Variants in CLNK observed in about 807,000 individuals in gnomAD.
CLNK encodes cytokine dependent hematopoietic cell linker, also known as cytokine-dependent hematopoietic cell linker.
A neutral mutation model predicts 68.6 loss-of-function variants in CLNK; 74 were observed. That is an observed-to-expected ratio of 1.08 (90% confidence interval 0.89 to 1.31). CLNK has a LOEUF of 1.31. Ranked by LOEUF, CLNK falls within the 50% of genes most tolerant of loss-of-function variation. The probability of loss-of-function intolerance (pLI) is 0.00; values close to 1 mark genes in which losing one functional copy is unlikely to be tolerated. For synonymous variants in CLNK, 198 were observed against 172.2 expected (o/e 1.15, Z -1.17); for missense variants, 553 against 515.3 (o/e 1.07, Z -0.71).
At position 10,490,251 on chromosome 4, in the gene CLNK, C is replaced by A. The variant is rs1002982664; in HGVS notation, c.*216G>T. On this transcript the variant is annotated 3_prime_UTR_variant, in exon 19 of 19. Transcript: ENST00000226951. ...TTATTTATTTTCCAGTGGCCAGTTA[C>A]TAGAATGTTTTTATTTTTTGCATGT... is the stretch of plus-strand genomic sequence containing the variant. 1.5e-4 allele frequency: 64 copies of A among 424,004 alleles called. No individual in the cohort carries two copies. The highest frequency in any genetic ancestry group is 1.2e-3 in the African/African-American group (60 of 48,698). 26.3% of individuals were successfully genotyped at this position (424,004 alleles called of 1,614,324 possible).
intron 2 of CLNK, among the ~76,000 whole-genome samples, chr4:10,609,022 G>A (rs1721901334): frequency 6.6e-6 from 1 of 152,186 alleles, no homozygotes; most frequent in African/African-American, 2.4e-5. Context: ...ACCATCATTG[G>A]TAGTTGGAAT....
chr4:10,686,007 C>T (rs1174660390), upstream of CLNK, among the ~76,000 whole-genome samples: 1 of 152,094 alleles, frequency 6.6e-6, no homozygotes. Context: ...AAGGACTGAG[C>T]CCTGAGTGGC....
intron 3 of CLNK, among the ~76,000 whole-genome samples, chr4:10,586,318 G>A (rs1349249692): frequency 6.8e-6 from 1 of 147,416 alleles, no homozygotes; most frequent in Non-Finnish European, 1.5e-5. Flanking sequence ...CCTCATCTCT[G>A]AATCTTTCTT....
chr4:10,540,366 A>C, intron 11 of CLNK, 128 bp downstream of exon 11: 1 of 653,992 alleles, frequency 1.5e-6, no homozygotes, highest in South Asian at 1.9e-5. Flanking sequence ...ATGTCTTTGA[A>C]TGGACCAATA....
At chr4:10,495,733 A>G (rs1331566520) in intron 18 of CLNK, among the ~76,000 whole-genome samples, 1 of 152,140 alleles carries the variant, frequency 6.6e-6, no homozygotes, top group South Asian at 2.1e-4. Context: ...GTGTTTCTTC[A>G]TAAGATAGGA....
chr4:10,616,521 C>A (rs1722231489), intron 2 of CLNK, among the ~76,000 whole-genome samples: 1 of 152,008 alleles, frequency 6.6e-6, no homozygotes, highest in East Asian at 1.9e-4. Context: ...TTTGTTGTTC[C>A]ACTTTTGTTT....
the CLNK span, among the ~76,000 whole-genome samples, chr4:10,733,643 T>G: frequency 0.36 from 54,323 of 152,106 alleles, 11,460 homozygotes; most frequent in African/African-American, 0.6. Flanking sequence ...TTTTTCAAAG[T>G]CCTGCTAATT....
At chr4:10,604,660 C>T (rs764499990) in intron 2 of CLNK, among the ~76,000 whole-genome samples, 3 of 151,914 alleles carry the variant, frequency 2.0e-5, no homozygotes, top group Non-Finnish European at 4.4e-5. Flanking sequence ...CCATTCATTC[C>T]CTATTATCTC....
intron 16 of CLNK, 66 bp downstream of exon 16, chr4:10,513,398 T>A: frequency 6.7e-7 from 1 of 1,489,072 alleles, no homozygotes; most frequent in Non-Finnish European, 9.2e-7. Flanking sequence ...TTGGGCATTG[T>A]TCAGGAAAGC....
chr4:10,709,681 G>A, the CLNK span, among the ~76,000 whole-genome samples: 11 of 152,162 alleles, frequency 7.2e-5, no homozygotes, highest in East Asian at 1.7e-3. Context: ...AGATTGTGGC[G>A]GAAAGGATGC....
At chr4:10,495,680 G>A (rs1716774673) in intron 18 of CLNK, among the ~76,000 whole-genome samples, 1 of 152,136 alleles carries the variant, frequency 6.6e-6, no homozygotes, top group Non-Finnish European at 1.5e-5. Flanking sequence ...CTGAGAAGGG[G>A]TGCTTATCCG....
chr4:10,493,997 T>G (rs2159244), intron 18 of CLNK, among the ~76,000 whole-genome samples: 47 of 152,374 alleles, frequency 3.1e-4, no homozygotes, highest in Non-Finnish European at 5.9e-5. Flanking sequence ...CCAGGCCTTA[T>G]GATTAACTCC....
At chr4:10,577,626 T>C (rs1423633058) in intron 4 of CLNK, among the ~76,000 whole-genome samples, 1 of 152,138 alleles carries the variant, frequency 6.6e-6, no homozygotes, top group Non-Finnish European at 1.5e-5. Flanking sequence ...CTCCATCCTG[T>C]TGCCTGGAGT....
intron 8 of CLNK, among the ~76,000 whole-genome samples, chr4:10,554,366 T>G (rs1197774828): frequency 1.3e-5 from 2 of 152,222 alleles, no homozygotes; most frequent in Non-Finnish European, 2.9e-5. Flanking sequence ...GAAACTTCAT[T>G]AGGGAATTAT....
At chr4:10,532,412 T>C (rs1718581246) in intron 11 of CLNK, 129 bp from the exon 12 acceptor site, 4 of 696,594 alleles carry the variant, frequency 5.7e-6, no homozygotes, top group Non-Finnish European at 9.9e-6. Flanking sequence ...TCCAGTGAGA[T>C]ATTTATCACT....
chr4:10,669,298 G>A (rs1724534470), intron 1 of CLNK, among the ~76,000 whole-genome samples: 1 of 152,122 alleles, frequency 6.6e-6, no homozygotes, highest in Non-Finnish European at 1.5e-5. Flanking sequence ...TTATTAAAAT[G>A]TTTTGCAAAA....
intron 4 of CLNK, among the ~76,000 whole-genome samples, chr4:10,580,783 A>T (rs574675383): frequency 6.6e-6 from 1 of 152,360 alleles, no homozygotes. Flanking sequence ...AAAAAGTCAG[A>T]AAACTTTAAA....
intron 2 of CLNK, among the ~76,000 whole-genome samples, chr4:10,660,470 C>T (rs930660194): frequency 1.3e-5 from 2 of 152,138 alleles, no homozygotes; most frequent in African/African-American, 4.8e-5. Flanking sequence ...GTGGTAGTTT[C>T]TCTTTATGTA....
In CLNK at chr4:10,513,530, G is replaced by A. The variant is rs192215241; in HGVS notation, c.840C>T (p.His280=). The A allele has an allele frequency of 8.0e-5, 129 of 1,610,972 alleles. No individual in the cohort carries two copies. Among genetic ancestry groups the A allele is most frequent in the Non-Finnish European group, 9.7e-5 (114 of 1,178,614 alleles). ...TGTATTTATAGGGCAGTATATTTTC[G>A]TGAGGGCTGCAGCTGGCTGGAGGCT... ...RCQPPASCSP[H]ENILPYKYTS... Residue 280 remains histidine (H), a synonymous_variant, in exon 16 of 19, where the codon CAC becomes CAT. Coordinates refer to ENST00000226951, the MANE Select transcript of CLNK (RefSeq NM_052964.4).
Sources: gnomAD v4.1 joint callset for allele counts (sites outside exome capture counted in the v4.1 genomes callset) on GRCh38, gnomAD v4.1.1 for gene constraint, MANE v1.5 for transcripts, NCBI Gene and HGNC (gene_info 2026-07-23, HGNC 2026-07-21) for gene names.